The following LIFR variants were observed in gnomAD, a reference collection of about 807,000 sequenced individuals.
The protein encoded by LIFR is leukemia inhibitory factor receptor.
Under a neutral mutation model 122.2 loss-of-function variants are expected in LIFR, and 84 were observed. The observed-to-expected ratio is 0.69, with a 90% CI of 0.58 to 0.82. LIFR has a LOEUF of 0.82. LIFR is among the 40% of genes least tolerant of loss of function. The pLI is 0.00. For missense variants in LIFR, 1,294 were observed against 1,311.6 expected (o/e 0.99, Z 0.21); for synonymous variants, 422 against 434.7 (o/e 0.97, Z 0.36).
intron 1 of LIFR, among the ~76,000 whole-genome samples, chr5:38,533,660 CT>C (rs1448093181): frequency 1.3e-5 from 2 of 152,228 alleles, no homozygotes; most frequent in East Asian, 3.8e-4. Flanking sequence ...TATTTTGTCT[CT>C]GTTCCCCTGT....
intron 1 of LIFR, among the ~76,000 whole-genome samples, chr5:38,541,095 T>C (rs1014240729): frequency 2.6e-5 from 4 of 152,204 alleles, no homozygotes; most frequent in African/African-American, 9.7e-5. Context: ...TCTTAGATTA[T>C]GCTTCTCAAA....
chr5:38,502,626 AG>A lies in LIFR; in HGVS notation c.1600+10del. 6.2e-7 allele frequency: 1 copy of A among 1,601,946 alleles called. No individual in the cohort carries two copies. Among genetic ancestry groups the A allele is most frequent in the Non-Finnish European group, 8.5e-7 (1 of 1,169,698 alleles). ...AGTAATTATTAGCCATACATCACTT[AG>A]TTAACTTACTGGCTTCTGTTGTTAA... On this transcript the variant is annotated intron_variant, in intron 11 of 19. Coordinates refer to ENST00000453190, the MANE Select transcript of LIFR (RefSeq NM_001127671.2).
Position 38,530,842 on chromosome 5 carries a change from A to G in LIFR, c.-19-176T>C. On this transcript the variant is annotated intron_variant, in intron 1 of 19. Coordinates refer to ENST00000453190, the MANE Select transcript of LIFR (RefSeq NM_001127671.2). ...CTTGTGGAGACATCAATAATTGGAC[A>G]CAGCTGTTGCTTTAGGTATCTACTA... 1.3e-5 allele frequency: 8 copies of G among 611,676 alleles called. 1 individual carries two copies. In the South Asian group the frequency reaches 1.6e-4, roughly 12 times the overall value. 37.9% of individuals were successfully genotyped at this position (611,676 alleles called of 1,614,324 possible).
At chr5:38,565,868 G>A (rs573592298) in intron 1 of LIFR, among the ~76,000 whole-genome samples, 9 of 152,194 alleles carry the variant, frequency 5.9e-5, no homozygotes, top group Non-Finnish European at 1.3e-4. Context: ...ACAGGCGTGA[G>A]CCACTGCTCC....
chr5:38,561,086 C>T (rs1359545642), upstream of LIFR, among the ~76,000 whole-genome samples: 2 of 152,162 alleles, frequency 1.3e-5, no homozygotes, highest in Non-Finnish European at 2.9e-5. Flanking sequence ...GTTTGCATAG[C>T]TCTCATTGTC....
chr5:38,512,372 A>G (rs1745847162), intron 5 of LIFR, among the ~76,000 whole-genome samples: 1 of 152,094 alleles, frequency 6.6e-6, no homozygotes. Flanking sequence ...TTTACCCAGC[A>G]CTTTGGGAGG....
rs1376558181 is a variant in LIFR at position 38,530,470 on chromosome 5, C to CA, written c.142+35dup. 1.3e-6 allele frequency: 2 copies of CA among 1,579,818 alleles called. 1 individual carries two copies. Among genetic ancestry groups the CA allele is most frequent in the South Asian group, 2.2e-5 (2 of 90,386 alleles). ...CGTCATCAAAATGGAAATAAAACTG[C>CA]AATCTGTTCATTCTCTGGAAGGCTG... On this transcript the variant is annotated intron_variant, in intron 2 of 19. Coordinates refer to ENST00000453190, the MANE Select transcript of LIFR (RefSeq NM_001127671.2).
Position 38,546,411 on chromosome 5 carries a change from T to TA in LIFR, c.-20+9922dup, listed in dbSNP as rs148363378. Among the ~76,000 whole-genome samples, 534 of 151,806 alleles carry TA rather than the reference T, an allele frequency of 3.5e-3. 7 individuals carry two copies. Among genetic ancestry groups the TA allele is most frequent in the African/African-American group, 0.011 (448 of 41,384 alleles). Reference sequence around the variant, plus strand: ...ATGTGTTTTGTTTGAACCATATACATAAAAAAAACAAAATTTAAAAACCCT... The same window carrying TA: ...ATGTGTTTTGTTTGAACCATATACATAAAAAAAAACAAAATTTAAAAACCCT... On this transcript the variant is annotated intron_variant, in intron 1 of 19. Transcript: ENST00000453190.
intron 1 of LIFR, among the ~76,000 whole-genome samples, chr5:38,582,912 C>T (rs1749633779): frequency 6.6e-6 from 1 of 152,246 alleles, no homozygotes; most frequent in Non-Finnish European, 1.5e-5. Flanking sequence ...TGAAACCTCT[C>T]TGACGCCCTA....
At chr5:38,541,402 G>A (rs1310354196) in intron 1 of LIFR, among the ~76,000 whole-genome samples, 2 of 152,162 alleles carry the variant, frequency 1.3e-5, no homozygotes, top group African/African-American at 4.8e-5. Flanking sequence ...CCTTAGCCTC[G>A]ACTTGATAAG....
intron 5 of LIFR, among the ~76,000 whole-genome samples, chr5:38,522,285 C>G (rs1746445252): frequency 6.6e-6 from 1 of 152,180 alleles, no homozygotes; most frequent in African/African-American, 2.4e-5. Context: ...AGCAGTGGAG[C>G]CACTGCTGGT....
At chr5:38,539,735 G>A (rs915395048) in intron 1 of LIFR, among the ~76,000 whole-genome samples, 1 of 151,530 alleles carries the variant, frequency 6.6e-6, no homozygotes, top group Non-Finnish European at 1.5e-5. Context: ...TTCTAGGAGG[G>A]GGAAAAATAC....
upstream of LIFR, among the ~76,000 whole-genome samples, chr5:38,559,655 G>A (rs1197768223): frequency 1.3e-5 from 2 of 152,174 alleles, no homozygotes; most frequent in African/African-American, 4.8e-5. Flanking sequence ...ATAAGTGTTT[G>A]TTGAATAAAT....
intron 1 of LIFR, among the ~76,000 whole-genome samples, chr5:38,582,211 C>T (rs1749611679): frequency 6.6e-6 from 1 of 152,144 alleles, no homozygotes; most frequent in Admixed American, 6.6e-5. Flanking sequence ...CCATGCCTGG[C>T]TACAGCCTTT....
At chr5:38,489,019 T>A in intron 16 of LIFR, 59 bp downstream of exon 16, 2 of 1,431,840 alleles carry the variant, frequency 1.4e-6, no homozygotes, top group Non-Finnish European at 2.0e-6. Flanking sequence ...CTTTTTTTTC[T>A]GTTGTGGTTA....
At chr5:38,511,670 C>G (rs1745810853) in intron 6 of LIFR, 120 bp downstream of exon 6, 3 of 942,940 alleles carry the variant, frequency 3.2e-6, no homozygotes, top group Admixed American at 3.9e-5. Context: ...TTAGACGCTC[C>G]CAGGTAATCC....
chr5:38,555,811 C>T (rs1748494362), intron 1 of LIFR, among the ~76,000 whole-genome samples: 2 of 152,280 alleles, frequency 1.3e-5, no homozygotes, highest in South Asian at 2.1e-4. Flanking sequence ...CTGAATCCAG[C>T]TTTGTGCTTT....
intron 14 of LIFR, 21 bp downstream of exon 14, chr5:38,493,583 TGA>T (rs1744713046): frequency 2.5e-6 from 4 of 1,605,952 alleles, no homozygotes; most frequent in Non-Finnish European, 3.4e-6. Flanking sequence ...AGAACTTAAT[TGA>T]GAGACACTAA....
At chr5:38,495,467 G>A (rs1328191841) in intron 13 of LIFR, among the ~76,000 whole-genome samples, 2 of 152,188 alleles carry the variant, frequency 1.3e-5, no homozygotes, top group African/African-American at 4.8e-5. Context: ...CCTGGGGTTT[G>A]TATCTCTGAA....
Sources: gnomAD v4.1 joint callset for allele counts (sites outside exome capture counted in the v4.1 genomes callset) on GRCh38, gnomAD v4.1.1 for gene constraint, MANE v1.5 for transcripts, NCBI Gene and HGNC (gene_info 2026-07-23, HGNC 2026-07-21) for gene names.